The following DLC1 variants were observed in gnomAD, a reference collection of about 807,000 sequenced individuals.
DLC1 encodes the protein DLC1 Rho GTPase activating protein, also known as rho GTPase-activating protein 7.
A neutral mutation model predicts 140.3 loss-of-function variants in DLC1; 54 were observed. The ratio of observed to expected loss-of-function variants is 0.38; its 90% CI spans 0.31 to 0.48. The LOEUF (loss-of-function observed/expected upper bound fraction) is 0.48, where lower values mean the gene tolerates loss of function less well. Among genes scored for constraint, DLC1 ranks in the 20% least tolerant of loss-of-function variants. The pLI, the probability that DLC1 is intolerant of heterozygous loss-of-function variation, is 0.96. For missense variants in DLC1, 2,536 were observed against 1,907.0 expected (o/e 1.33, Z -6.14); for synonymous variants, 986 against 728.1 (o/e 1.35, Z -5.70).
intron 1 of DLC1, among the ~76,000 whole-genome samples, chr8:13,539,185 GTGTATGTA>G (rs375105687): frequency 6.6e-6 from 1 of 151,354 alleles, no homozygotes; most frequent in Non-Finnish European, 1.5e-5. Flanking sequence ...GTATGTATGT[GTGTATGTA>G]TGTATGTATG....
intron 1 of DLC1, among the ~76,000 whole-genome samples, chr8:13,596,480 A>G (rs1805684034): frequency 2.0e-5 from 3 of 151,968 alleles, no homozygotes; most frequent in Admixed American, 1.3e-4. Flanking sequence ...GATTCCTTAG[A>G]GGCCTTTCTT....
At chr8:13,517,695 C>T (rs1024045956), upstream of DLC1, among the ~76,000 whole-genome samples, 1 of 152,170 alleles carries the variant, frequency 6.6e-6, no homozygotes, top group Non-Finnish European at 1.5e-5. Flanking sequence ...TTGACTGTTA[C>T]TCTGTACTGG....
chr8:13,520,667 A>G (rs1802736818), intron 1 of DLC1, among the ~76,000 whole-genome samples: 1 of 152,156 alleles, frequency 6.6e-6, no homozygotes, highest in African/African-American at 2.4e-5. Context: ...AAATATTGAC[A>G]CAGACAAGAG....
intron 1 of DLC1, among the ~76,000 whole-genome samples, chr8:13,586,104 T>C (rs1805299443): frequency 2.6e-5 from 4 of 152,172 alleles, no homozygotes; most frequent in Admixed American, 2.6e-4. Context: ...GCCCTACTCA[T>C]GGGCTCTCTC....
intron 15 of DLC1, among the ~76,000 whole-genome samples, chr8:13,089,074 C>A (rs1231200808): frequency 6.6e-6 from 1 of 150,872 alleles, no homozygotes; most frequent in Non-Finnish European, 1.5e-5. Flanking sequence ...GCCTGGCCAA[C>A]ATGGTGAAAC....
intron 2 of DLC1, among the ~76,000 whole-genome samples, chr8:13,423,752 G>A (rs1407001942): frequency 6.6e-6 from 1 of 152,124 alleles, no homozygotes; most frequent in African/African-American, 2.4e-5. Flanking sequence ...ACATGAGAAA[G>A]TATAGATCTT....
chr8:13,353,123 G>T (rs769451360), intron 4 of DLC1, among the ~76,000 whole-genome samples: 2 of 152,138 alleles, frequency 1.3e-5, no homozygotes, highest in African/African-American at 4.8e-5. Flanking sequence ...CTGAAAGGTG[G>T]CTATACGTGG....
chr8:13,309,105 T>G (rs1321268400), intron 4 of DLC1, among the ~76,000 whole-genome samples: 1 of 152,208 alleles, frequency 6.6e-6, no homozygotes, highest in Non-Finnish European at 1.5e-5. Context: ...TTGAATCCAT[T>G]AGGGGCTTTT....
intron 2 of DLC1, among the ~76,000 whole-genome samples, chr8:13,458,190 A>T (rs289541): frequency 0.26 from 39,769 of 152,122 alleles, 7,759 homozygotes; most frequent in African/African-American, 0.55. Context: ...ATTATCTGAG[A>T]TAAAAATTTT....
At chr8:13,140,678 A>G (rs571587450) in intron 5 of DLC1, among the ~76,000 whole-genome samples, 1 of 152,230 alleles carries the variant, frequency 6.6e-6, no homozygotes, top group East Asian at 1.9e-4. Context: ...TTAATTTATG[A>G]TAAAAATTAA....
chr8:13,134,561 G>T (rs540358898), intron 5 of DLC1, among the ~76,000 whole-genome samples: 3 of 152,154 alleles, frequency 2.0e-5, no homozygotes, highest in Admixed American at 6.5e-5. Flanking sequence ...ACAAATAGGA[G>T]AATTTAGTCT....
chr8:13,596,450 T>C (rs1257361267), intron 1 of DLC1, among the ~76,000 whole-genome samples: 1 of 151,914 alleles, frequency 6.6e-6, no homozygotes, highest in Admixed American at 6.6e-5. Context: ...TCCAATCCTG[T>C]TTGTGAATTT....
intron 3 of DLC1, among the ~76,000 whole-genome samples, chr8:13,396,062 C>CTTT (rs33927089): frequency 1.5e-5 from 2 of 135,498 alleles, no homozygotes; most frequent in African/African-American, 2.8e-5. Flanking sequence ...TCTTTTCTTT[C>CTTT]TTTTTTTTTT....
intron 5 of DLC1, among the ~76,000 whole-genome samples, chr8:13,195,420 C>T (rs1826990414): frequency 6.6e-6 from 1 of 152,178 alleles, no homozygotes; most frequent in Non-Finnish European, 1.5e-5. Flanking sequence ...AAATAAATAG[C>T]TCCTGCCAAT....
intron 1 of DLC1, among the ~76,000 whole-genome samples, chr8:13,578,189 G>A (rs1804914047): frequency 6.6e-6 from 1 of 152,022 alleles, no homozygotes; most frequent in South Asian, 2.1e-4. Context: ...TACCAAGGAT[G>A]ACCACATGGC....
Position 13,099,661 on chromosome 8 carries a change from C to T in DLC1, c.2676G>A (p.Gly892=), listed in dbSNP as rs760965170. The change falls in exon 9 of 18, where the codon GGG becomes GGA. Residue 892 remains glycine (G), a synonymous_variant. Coordinates refer to ENST00000276297, the MANE Select transcript of DLC1 (RefSeq NM_182643.3). ...VPGSILYSSS[G]DLADLENEDI... is the part of the protein sequence containing the mutation. ...CCTCGTTCTCCAGATCCGCCAGGTCCCCTGAACTGGAGTAGAGGATGGAGC... is the reference window on the plus strand; with the variant it reads ...CCTCGTTCTCCAGATCCGCCAGGTCTCCTGAACTGGAGTAGAGGATGGAGC... The T allele has an allele frequency of 1.9e-6, 3 of 1,614,054 alleles. No homozygotes were observed. In the Admixed American group the frequency reaches 5.0e-5, roughly 27 times the overall value.
chr8:13,360,793 C>G (rs1671425), intron 4 of DLC1, among the ~76,000 whole-genome samples: 107,999 of 151,974 alleles, frequency 0.71, 39,005 homozygotes, highest in East Asian at 0.84. Flanking sequence ...TTACTACCCA[C>G]ATACAAACAT....
chr8:13,482,938 C>T (rs1245784661), intron 2 of DLC1, among the ~76,000 whole-genome samples: 2 of 152,176 alleles, frequency 1.3e-5, no homozygotes, highest in Non-Finnish European at 2.9e-5. Context: ...ATACCAGTTT[C>T]CTGAGGCTGC....
At chr8:13,277,875 C>T (rs1365479565) in intron 5 of DLC1, among the ~76,000 whole-genome samples, 1 of 152,100 alleles carries the variant, frequency 6.6e-6, no homozygotes, top group African/African-American at 2.4e-5. Context: ...ATTATTTTTA[C>T]ACACAAAGTC....
Sources: allele counts gnomAD v4.1 joint callset (sites outside exome capture counted in the v4.1 genomes callset), GRCh38; gene constraint gnomAD v4.1.1; transcripts MANE v1.5; gene names NCBI Gene and HGNC (gene_info 2026-07-23, HGNC 2026-07-21).